Variants in AGBL4 observed in about 807,000 individuals in gnomAD.
The protein encoded by AGBL4 is cytosolic carboxypeptidase 6.
A neutral mutation model predicts 66.4 loss-of-function variants in AGBL4; 58 were observed. That is an observed-to-expected ratio of 0.87 (90% CI 0.71 to 1.09). The LOEUF (loss-of-function observed/expected upper bound fraction) is 1.09. Ranked by LOEUF, AGBL4 falls within the 50% of genes least tolerant of loss-of-function variation. The pLI is 0.00. For missense variants in AGBL4, 579 were observed against 631.0 expected, an observed-to-expected ratio of 0.92 and a Z score of 0.88; for synonymous variants, 234 against 222.9, an observed-to-expected ratio of 1.05 and a Z score of -0.44.
chr1:49,353,338 T>A (rs1247767412), intron 3 of AGBL4, among the ~76,000 whole-genome samples: 1 of 152,176 alleles, frequency 6.6e-6, no homozygotes, highest in African/African-American at 2.4e-5. Flanking sequence ...ATACTATGTA[T>A]AACATAATTT....
chr1:49,615,842 T>C (rs1645240048), intron 3 of AGBL4, among the ~76,000 whole-genome samples: 1 of 152,078 alleles, frequency 6.6e-6, no homozygotes, highest in African/African-American at 2.4e-5. Context: ...TACAAGGAAA[T>C]ATGGCACTTT....
chr1:48,704,536 GC>G (rs1442172435), intron 6 of AGBL4, among the ~76,000 whole-genome samples: 1 of 151,918 alleles, frequency 6.6e-6, no homozygotes, highest in Non-Finnish European at 1.5e-5. Context: ...TATTCTATAA[GC>G]TTTTTTCCAT....
At chr1:49,129,185 T>G (rs1645830627) in intron 4 of AGBL4, among the ~76,000 whole-genome samples, 1 of 152,036 alleles carries the variant, frequency 6.6e-6, no homozygotes, top group South Asian at 2.1e-4. Context: ...TGGCTACAAT[T>G]AAAAATATTG....
At chr1:49,053,521 A>G (rs568602838) in intron 4 of AGBL4, among the ~76,000 whole-genome samples, 1 of 152,220 alleles carries the variant, frequency 6.6e-6, no homozygotes, top group South Asian at 2.1e-4. Context: ...CCAGGTTACT[A>G]GTTAGTGGGA....
chr1:48,663,799 C>T (rs1646144185), intron 6 of AGBL4, among the ~76,000 whole-genome samples: 1 of 152,056 alleles, frequency 6.6e-6, no homozygotes, highest in Admixed American at 6.6e-5. Flanking sequence ...TATACACATA[C>T]ATAATCCTTA....
At chr1:48,786,285 G>A (rs12118243) in intron 6 of AGBL4, among the ~76,000 whole-genome samples, 32,335 of 152,064 alleles carry the variant, frequency 0.21, 4,507 homozygotes, top group East Asian at 0.47. Context: ...ATCCCATAAA[G>A]TCAGTATTAT....
At chr1:49,278,917 A>G (rs1296135675) in intron 3 of AGBL4, among the ~76,000 whole-genome samples, 1 of 152,242 alleles carries the variant, frequency 6.6e-6, no homozygotes, top group Non-Finnish European at 1.5e-5. Context: ...TGTTTAGCTG[A>G]GACATTTTTC....
chr1:48,605,513 C>T (rs765249403), intron 9 of AGBL4, among the ~76,000 whole-genome samples: 11 of 152,200 alleles, frequency 7.2e-5, no homozygotes, highest in Non-Finnish European at 1.6e-4. Flanking sequence ...TACGCCATGT[C>T]CTTCTTCACG....
chr1:49,212,386 T>C (rs1263257751), intron 4 of AGBL4, among the ~76,000 whole-genome samples: 1 of 152,118 alleles, frequency 6.6e-6, no homozygotes, highest in Non-Finnish European at 1.5e-5. Flanking sequence ...TAAGTGGCCA[T>C]TGAATAAGCT....
chr1:49,054,882 T>C (rs982671528), intron 4 of AGBL4, among the ~76,000 whole-genome samples: 10 of 151,992 alleles, frequency 6.6e-5, no homozygotes, highest in Non-Finnish European at 1.5e-5. Context: ...TGGCTGTCTT[T>C]TGTTCAAAAT....
intron 1 of AGBL4, among the ~76,000 whole-genome samples, chr1:49,999,630 T>A (rs1660605308): frequency 6.6e-6 from 1 of 152,016 alleles, no homozygotes; most frequent in African/African-American, 2.4e-5. Context: ...AAAGCAAGAC[T>A]AAACAACAAC....
chr1:49,511,103 G>A (rs559635463), intron 3 of AGBL4, among the ~76,000 whole-genome samples: 1 of 151,984 alleles, frequency 6.6e-6, no homozygotes, highest in Non-Finnish European at 1.5e-5. Flanking sequence ...TCCCATTACT[G>A]GGTATATACC....
In AGBL4 at chr1:48,867,247, A is replaced by C. The variant is rs751541035; in HGVS notation, c.595-17T>G. The C allele has an allele frequency of 4.3e-6, 7 of 1,613,092 alleles. No homozygotes were observed. Among genetic ancestry groups the C allele is most frequent in the Non-Finnish European group, 5.1e-6 (6 of 1,179,604 alleles). ...TCGTTGTTGCTGCAAAAGAAAACAC[A>C]CTGTGAGGGCACTGATTTGAGCCAG... On this transcript the variant is annotated splice_polypyrimidine_tract_variant and intron_variant, in intron 5 of 13. Coordinates refer to ENST00000371839, the MANE Select transcript of AGBL4 (RefSeq NM_032785.4).
At chr1:49,864,554 C>T (rs1646654714) in intron 1 of AGBL4, among the ~76,000 whole-genome samples, 1 of 152,032 alleles carries the variant, frequency 6.6e-6, no homozygotes, top group Non-Finnish European at 1.5e-5. Flanking sequence ...CAACAGCCCA[C>T]CCAGCAGCTA....
At chr1:49,227,370 T>C (rs920449382) in intron 4 of AGBL4, among the ~76,000 whole-genome samples, 11 of 152,198 alleles carry the variant, frequency 7.2e-5, no homozygotes, top group Non-Finnish European at 1.3e-4. Flanking sequence ...ACACATCTAA[T>C]TTAGACTCTT....
At chr1:49,415,194 C>T (rs1645401391) in intron 3 of AGBL4, among the ~76,000 whole-genome samples, 1 of 152,128 alleles carries the variant, frequency 6.6e-6, no homozygotes, top group Non-Finnish European at 1.5e-5. Flanking sequence ...AAGAGAGGAA[C>T]AGACACTATG....
intron 5 of AGBL4, among the ~76,000 whole-genome samples, chr1:49,006,819 G>C (rs1309626375): frequency 1.3e-3 from 190 of 151,042 alleles, no homozygotes; most frequent in Non-Finnish European, 2.0e-3. Flanking sequence ...TGAGGGTCCT[G>C]TCTGTTAGAA....
At chr1:49,482,995 T>G (rs1475067156) in intron 3 of AGBL4, among the ~76,000 whole-genome samples, 1 of 152,084 alleles carries the variant, frequency 6.6e-6, no homozygotes, top group Non-Finnish European at 1.5e-5. Context: ...AATGTTATGA[T>G]TTCAGTTATT....
intron 3 of AGBL4, among the ~76,000 whole-genome samples, chr1:49,314,034 T>C (rs1644992408): frequency 6.6e-6 from 1 of 152,214 alleles, no homozygotes; most frequent in South Asian, 2.1e-4. Context: ...CATCTTGAGT[T>C]AATTTTTGTA....
Sources: allele counts gnomAD v4.1 joint callset (sites outside exome capture counted in the v4.1 genomes callset), GRCh38; gene constraint gnomAD v4.1.1; transcripts MANE v1.5; gene names NCBI Gene and HGNC (gene_info 2026-07-23, HGNC 2026-07-21).